EHBP1: variants seen among roughly 807,000 people sequenced by gnomAD.
EHBP1 encodes EH domain-binding protein 1.
EHBP1 carries 55 observed loss-of-function variants against 144.0 expected under a neutral mutation model. The observed-to-expected ratio is 0.38, with a 90% CI of 0.31 to 0.48. The LOEUF (loss-of-function observed/expected upper bound fraction) is 0.48. EHBP1 is among the 20% of genes least tolerant of loss of function. The pLI, the probability that EHBP1 is intolerant of heterozygous loss-of-function variation, is 0.98. For missense variants in EHBP1, 1,200 were observed against 1,364.2 expected (o/e 0.88, Z 1.90); for synonymous variants, 469 against 472.7 (o/e 0.99, Z 0.10).
intron 10 of EHBP1, among the ~76,000 whole-genome samples, chr2:62,900,390 G>A (rs1036215416): frequency 6.6e-6 from 1 of 152,008 alleles, no homozygotes; most frequent in Non-Finnish European, 1.5e-5. Flanking sequence ...AGGCAATGGG[G>A]GACACAGGAC....
intron 13 of EHBP1, among the ~76,000 whole-genome samples, chr2:62,951,956 A>G (rs1396300603): frequency 6.6e-6 from 1 of 152,194 alleles, no homozygotes. Flanking sequence ...GACTCTCCCA[A>G]TAAATTAGTA....
At chr2:62,722,731 G>A (rs190937420) in intron 2 of EHBP1, among the ~76,000 whole-genome samples, 2 of 152,298 alleles carry the variant, frequency 1.3e-5, no homozygotes, top group African/African-American at 4.8e-5. Flanking sequence ...CTTTTGAAGA[G>A]TGTTCCTCAA....
chr2:62,936,425 A>G (rs1574133089), intron 10 of EHBP1, among the ~76,000 whole-genome samples: 1 of 152,166 alleles, frequency 6.6e-6, no homozygotes, highest in African/African-American at 2.4e-5. Flanking sequence ...GGCTTTGCTG[A>G]TCCTCTCTAT....
At chr2:62,847,261 A>G (rs1013406550) in intron 7 of EHBP1, among the ~76,000 whole-genome samples, 1 of 152,218 alleles carries the variant, frequency 6.6e-6, no homozygotes, top group Non-Finnish European at 1.5e-5. Flanking sequence ...GTTTGTATGG[A>G]AAAAATGAAC....
intron 9 of EHBP1, among the ~76,000 whole-genome samples, chr2:62,869,898 G>A (rs1200485779): frequency 6.6e-6 from 1 of 151,986 alleles, no homozygotes; most frequent in Non-Finnish European, 1.5e-5. Context: ...GGGCCTTTAG[G>A]TCTATTTGAT....
intron 10 of EHBP1, among the ~76,000 whole-genome samples, chr2:62,899,890 A>G (rs1161675882): frequency 6.6e-6 from 1 of 152,156 alleles, no homozygotes; most frequent in Non-Finnish European, 1.5e-5. Flanking sequence ...AGTTTATTTT[A>G]TTGTCTGTAC....
At chr2:62,803,201 G>A (rs1352757805) in intron 5 of EHBP1, among the ~76,000 whole-genome samples, 5 of 150,426 alleles carry the variant, frequency 3.3e-5, no homozygotes, top group Non-Finnish European at 7.4e-5. Flanking sequence ...GTTATGAATA[G>A]CACTGCATTG....
intron 3 of EHBP1, among the ~76,000 whole-genome samples, chr2:62,755,212 A>C (rs185102131): frequency 6.6e-6 from 1 of 152,188 alleles, no homozygotes; most frequent in Non-Finnish European, 1.5e-5. Context: ...TTCTGTTACC[A>C]TAAGACTAGT....
At chr2:62,902,653 T>C (rs1364297455) in intron 10 of EHBP1, among the ~76,000 whole-genome samples, 5 of 152,206 alleles carry the variant, frequency 3.3e-5, no homozygotes, top group Non-Finnish European at 5.9e-5. Context: ...CTGTAATAGT[T>C]AAAACTGTGA....
intron 5 of EHBP1, among the ~76,000 whole-genome samples, chr2:62,820,005 G>A (rs1019010569): frequency 2.0e-5 from 3 of 151,850 alleles, no homozygotes; most frequent in African/African-American, 7.3e-5. Context: ...GAGGTCAGGA[G>A]TTTGAGACCA....
At chr2:62,707,351 C>CTAAA (rs1404211680) in intron 2 of EHBP1, 56 bp downstream of exon 2, 77 of 1,321,174 alleles carry the variant, frequency 5.8e-5, no homozygotes, top group Non-Finnish European at 5.5e-5. Flanking sequence ...ATACTGTGGC[C>CTAAA]TAAACTCTGG....
intron 1 of EHBP1, among the ~76,000 whole-genome samples, chr2:62,697,520 A>G (rs2034144523): frequency 1.3e-5 from 2 of 152,192 alleles, no homozygotes; most frequent in Non-Finnish European, 2.9e-5. Flanking sequence ...TCATTGTTAA[A>G]CAAAGCACGG....
At chr2:62,838,602 A>G (rs1558766038) in intron 7 of EHBP1, among the ~76,000 whole-genome samples, 1 of 151,878 alleles carries the variant, frequency 6.6e-6, no homozygotes, top group Admixed American at 6.6e-5. Context: ...AGCAAGACTA[A>G]TAAAGAAAAA....
chr2:62,878,167 G>C (rs2051053297), intron 10 of EHBP1, among the ~76,000 whole-genome samples: 1 of 152,020 alleles, frequency 6.6e-6, no homozygotes, highest in Non-Finnish European at 1.5e-5. Flanking sequence ...ATAGAAATAG[G>C]AAAAACATTC....
chr2:62,766,164 T>C (rs2041169840), intron 4 of EHBP1, among the ~76,000 whole-genome samples: 1 of 152,268 alleles, frequency 6.6e-6, no homozygotes, highest in African/African-American at 2.4e-5. Context: ...ACATAAGAAG[T>C]AACTAAGGAG....
chr2:62,944,867 A>T (rs986374011), intron 12 of EHBP1, among the ~76,000 whole-genome samples: 14 of 152,196 alleles, frequency 9.2e-5, no homozygotes, highest in Non-Finnish European at 1.5e-4. Flanking sequence ...TTTTCTACTG[A>T]ATTGAATTCT....
intron 10 of EHBP1, among the ~76,000 whole-genome samples, chr2:62,919,616 A>G (rs1373573129): frequency 1.3e-5 from 2 of 152,224 alleles, no homozygotes; most frequent in Non-Finnish European, 2.9e-5. Flanking sequence ...ATGAAAAGTC[A>G]TAAAGCATAC....
intron 5 of EHBP1, among the ~76,000 whole-genome samples, chr2:62,799,788 AT>A (rs1348426779): frequency 6.6e-6 from 1 of 152,200 alleles, no homozygotes; most frequent in Non-Finnish European, 1.5e-5. Context: ...TGGCACCAGA[AT>A]ATGAAAGTTC....
chr2:62,998,648 C>T (rs1417359181), intron 19 of EHBP1, among the ~76,000 whole-genome samples: 1 of 152,168 alleles, frequency 6.6e-6, no homozygotes, highest in Non-Finnish European at 1.5e-5. Context: ...TCCTACCCAA[C>T]ATATCACTAG....
Sources: gnomAD v4.1 joint callset for allele counts (sites outside exome capture counted in the v4.1 genomes callset) on GRCh38, gnomAD v4.1.1 for gene constraint, MANE v1.5 for transcripts, NCBI Gene and HGNC (gene_info 2026-07-23, HGNC 2026-07-21) for gene names.